COQ5: variants seen among roughly 807,000 people sequenced by gnomAD.
COQ5 encodes coenzyme Q5, methyltransferase.
In COQ5, 27 loss-of-function variants were observed where a neutral mutation model predicts 40.5. The observed-to-expected ratio is 0.67, with a 90% CI of 0.49 to 0.92. COQ5 has a LOEUF of 0.92. COQ5 is among the 40% of genes least tolerant of loss of function. The probability of loss-of-function intolerance (pLI) is 0.00; values close to 1 mark genes in which losing one functional copy is unlikely to be tolerated. For synonymous variants in COQ5, 141 were observed against 150.0 expected (o/e 0.94, Z 0.44); for missense variants, 409 against 406.4 (o/e 1.01, Z -0.06).
intron 3 of COQ5, among the ~76,000 whole-genome samples, chr12:120,514,779 A>AACAACAACG (rs1229643743): frequency 2.0e-5 from 3 of 151,880 alleles, no homozygotes; most frequent in Non-Finnish European, 2.9e-5. Context: ...CAACAACAAC[A>AACAACAACG]ACAAAAACTG....
intron 3 of COQ5, among the ~76,000 whole-genome samples, chr12:120,514,784 A>AAC (rs1869307881): frequency 1.7e-5 from 2 of 115,696 alleles, no homozygotes; most frequent in East Asian, 3.1e-4. Context: ...ACAACAACAA[A>AAC]AACTGGGCCA....
At chr12:120,518,981 T>C (rs1869520125) in intron 2 of COQ5, among the ~76,000 whole-genome samples, 1 of 152,228 alleles carries the variant, frequency 6.6e-6, no homozygotes, top group South Asian at 2.1e-4. Context: ...TATAACAACA[T>C]TTAAAAACAT....
chr12:120,510,160 T>C (rs777182000), intron 3 of COQ5, 37 bp from the exon 4 acceptor site: 11 of 1,513,710 alleles, frequency 7.3e-6, no homozygotes, highest in Non-Finnish European at 9.2e-6. Context: ...TCAGTGTGGG[T>C]AGCTGTTTTT....
intron 3 of COQ5, among the ~76,000 whole-genome samples, chr12:120,513,102 A>G (rs535519847): frequency 1.3e-5 from 2 of 150,784 alleles, no homozygotes; most frequent in Admixed American, 1.3e-4. Flanking sequence ...ACCCAGCCAA[A>G]TATGTATATA....
intron 3 of COQ5, among the ~76,000 whole-genome samples, chr12:120,510,343 T>C (rs1312140878): frequency 2.0e-5 from 3 of 152,134 alleles, no homozygotes; most frequent in Non-Finnish European, 2.9e-5. Flanking sequence ...TGGGGAGGTC[T>C]TGCTTTCTCA....
intron 2 of COQ5, among the ~76,000 whole-genome samples, chr12:120,521,071 T>C (rs75408667): frequency 6.7e-6 from 1 of 149,022 alleles, no homozygotes; most frequent in Admixed American, 6.7e-5. Flanking sequence ...TGCGTTTTTT[T>C]TTTTTTTTTT....
At chr12:120,526,567 T>C (rs1869953038) in intron 1 of COQ5, 2 of 423,616 alleles carry the variant, frequency 4.7e-6, no homozygotes, top group South Asian at 1.7e-5. Context: ...TTTCATAACA[T>C]TGAAAGCACA....
At chr12:120,525,239 A>G (rs181820217) in intron 1 of COQ5, among the ~76,000 whole-genome samples, 1 of 152,246 alleles carries the variant, frequency 6.6e-6, no homozygotes, top group African/African-American at 2.4e-5. Context: ...AGCTACGATT[A>G]CAGGCACTTG....
intron 3 of COQ5, among the ~76,000 whole-genome samples, chr12:120,514,168 A>G (rs750772814): frequency 1.1e-4 from 17 of 152,274 alleles, no homozygotes; most frequent in Admixed American, 4.6e-4. Context: ...TAAAAACACT[A>G]GCGACTGTCC....
chr12:120,508,827 C>A (rs1375728321), intron 4 of COQ5, among the ~76,000 whole-genome samples: 1 of 151,772 alleles, frequency 6.6e-6, no homozygotes, highest in Non-Finnish European at 1.5e-5. Flanking sequence ...AGACAGAGAC[C>A]ATCCTGGCCA....
intron 3 of COQ5, among the ~76,000 whole-genome samples, chr12:120,515,919 T>C (rs987128550): frequency 3.3e-5 from 5 of 152,182 alleles, no homozygotes; most frequent in African/African-American, 1.2e-4. Flanking sequence ...GTTATTTCTT[T>C]TTTTATTGTT....
intron 3 of COQ5, among the ~76,000 whole-genome samples, chr12:120,511,514 G>A (rs545654050): frequency 2.0e-5 from 3 of 152,216 alleles, no homozygotes; most frequent in East Asian, 1.9e-4. Context: ...AGCTGAGCAC[G>A]GTGGCATGCA....
In COQ5 at chr12:120,529,147, T is replaced by C. The variant is rs1870107949; in HGVS notation, c.-6A>G. 1 of 1,611,454 alleles carries C rather than the reference T, an allele frequency of 6.2e-7. No homozygotes were observed. Among genetic ancestry groups the C allele is most frequent in the Admixed American group, 1.7e-5 (1 of 59,640 alleles). On this transcript the variant is annotated 5_prime_UTR_variant, in exon 1 of 7. Coordinates refer to ENST00000288532, the MANE Select transcript of COQ5 (RefSeq NM_032314.4). Reference sequence around the variant, plus strand: ...CAGCTCCCGGGGGCCGCCATCTTGGTAGTCGAGTGACAACGGCCAGAGAGT... The same window carrying C: ...CAGCTCCCGGGGGCCGCCATCTTGGCAGTCGAGTGACAACGGCCAGAGAGT...
rs543177354 is a variant in COQ5 at position 120,528,790 on chromosome 12, G to C, written c.202+150C>G. On this transcript the variant is annotated intron_variant, in intron 1 of 6. Coordinates refer to ENST00000288532, the MANE Select transcript of COQ5 (RefSeq NM_032314.4). ...TTGCACTCCAGTGTGGGCAACAAGA[G>C]CGAAATTCTGTCTCCAAAAAAAAAA... The C allele has an allele frequency of 2.3e-5, 17 of 750,368 alleles. No homozygotes were observed. In the Admixed American group the frequency reaches 3.2e-4, roughly 14 times the overall value. The allele number at this position is 750,368 out of a possible 1,614,324, so 46.5% of individuals were successfully genotyped here. A position where few individuals can be genotyped will look rare whatever the true frequency, so the allele number is the denominator to read the frequency against.
intron 1 of COQ5, among the ~76,000 whole-genome samples, chr12:120,525,910 G>A (rs566923202): frequency 4.0e-4 from 60 of 149,504 alleles, no homozygotes. Context: ...GGGCGACAGA[G>A]CGAGACTCCA....
chr12:120,504,207 C>G (rs1838680699), intron 5 of COQ5, 126 bp from the exon 6 acceptor site: 2 of 700,326 alleles, frequency 2.9e-6, no homozygotes, highest in African/African-American at 1.8e-5. Flanking sequence ...AAGCAAGAAC[C>G]TGAATTAAGT....
At chr12:120,510,193 C>T in intron 3 of COQ5, 70 bp from the exon 4 acceptor site, 1 of 1,215,636 alleles carries the variant, frequency 8.2e-7, no homozygotes, top group Non-Finnish European at 1.2e-6. Flanking sequence ...GAATTCATTT[C>T]ATGTAGAGCA....
Position 120,506,236 on chromosome 12 carries a change from G to A in COQ5, c.682-1253C>T, listed in dbSNP as rs373425071. 7.2e-5 allele frequency among the ~76,000 whole-genome samples: 11 copies of A among 152,202 alleles called. No homozygotes were observed. The East Asian group carries it at 7.7e-4, about 11-fold the overall frequency. ...ACTAGGTTCCAACAGACCAGACTAA[G>A]AATCAAGATGGAGTCACCCAACTTT... On this transcript the variant is annotated intron_variant, in intron 4 of 6. Coordinates refer to ENST00000288532, the MANE Select transcript of COQ5 (RefSeq NM_032314.4).
intron 4 of COQ5, among the ~76,000 whole-genome samples, chr12:120,506,835 TA>T (rs1300097865): frequency 6.6e-6 from 1 of 152,098 alleles, no homozygotes. Context: ...TATTTTTATT[TA>T]TTTTTTTATT....
Sources: gnomAD v4.1 joint callset for allele counts (sites outside exome capture counted in the v4.1 genomes callset) on GRCh38, gnomAD v4.1.1 for gene constraint, MANE v1.5 for transcripts, NCBI Gene and HGNC (gene_info 2026-07-23, HGNC 2026-07-21) for gene names.